The following ITGAV variants were observed in gnomAD, a reference collection of about 807,000 sequenced individuals.
The protein encoded by ITGAV is integrin alpha-V.
ITGAV carries 76 observed loss-of-function variants against 143.8 expected under a neutral mutation model. That is an observed-to-expected ratio of 0.53 (90% CI 0.44 to 0.64). The LOEUF (loss-of-function observed/expected upper bound fraction) is 0.64, where lower values mean the gene tolerates loss of function less well. Among genes scored for constraint, ITGAV ranks in the 30% least tolerant of loss-of-function variants. The pLI, the probability that ITGAV is intolerant of heterozygous loss-of-function variation, is 0.00. For synonymous variants in ITGAV, 453 were observed against 446.7 expected (o/e 1.01, Z -0.18); for missense variants, 1,193 against 1,274.7 (o/e 0.94, Z 0.98).
At chr2:186,640,289 A>T (rs1193503770) in intron 10 of ITGAV, among the ~76,000 whole-genome samples, 2 of 152,226 alleles carry the variant, frequency 1.3e-5, no homozygotes. Flanking sequence ...TTATAAGCTC[A>T]TAATAAACCC....
intron 2 of ITGAV, among the ~76,000 whole-genome samples, chr2:186,613,819 C>T (rs909767186): frequency 2.0e-5 from 3 of 152,028 alleles, no homozygotes; most frequent in African/African-American, 2.4e-5. Context: ...TCATTAACCA[C>T]CAGTTTAGTC....
rs147622609 is a variant in ITGAV, at chr2:186,614,188, C to T, written c.317-8151C>T. Among the ~76,000 whole-genome samples, 35 of 152,082 alleles carry T rather than the reference C, an allele frequency of 2.3e-4. No individual in the cohort carries two copies. The East Asian group carries it at 6.2e-3, about 27-fold the overall frequency. On this transcript the variant is annotated intron_variant, in intron 2 of 29. Transcript: ENST00000261023. ...AAACATTTTATAAATAATGCATGTC[C>T]ATTGATGAAAATATGAGAAAACCAG...
chr2:186,601,889 C>A, intron 1 of ITGAV, 132 bp from the exon 2 acceptor site: 1 of 795,744 alleles, frequency 1.3e-6, no homozygotes. Context: ...AGATTATGCC[C>A]TCAGTGAATA....
At chr2:186,651,122 A>G (rs559597311) in intron 14 of ITGAV, among the ~76,000 whole-genome samples, 16 of 152,362 alleles carry the variant, frequency 1.1e-4, no homozygotes, top group African/African-American at 3.8e-4. Flanking sequence ...GACGTAGAAT[A>G]TCAGTTGGCA....
chr2:186,609,439 T>C (rs899122269), intron 2 of ITGAV, among the ~76,000 whole-genome samples: 8 of 152,128 alleles, frequency 5.3e-5, no homozygotes, highest in African/African-American at 1.9e-4. Context: ...ATGGACACTT[T>C]AGATGTGCTT....
chr2:186,673,391 G>C (rs1319754295), intron 26 of ITGAV, among the ~76,000 whole-genome samples: 3 of 152,122 alleles, frequency 2.0e-5, no homozygotes, highest in East Asian at 1.9e-4. Context: ...ATTTTGGTTA[G>C]AGTCCCTTGC....
chr2:186,614,684 G>A (rs559988244), intron 2 of ITGAV, among the ~76,000 whole-genome samples: 12 of 151,336 alleles, frequency 7.9e-5, no homozygotes, highest in Non-Finnish European at 1.0e-4. Flanking sequence ...TCTATTATCC[G>A]TTTTCATTCT....
At chr2:186,592,331 C>T (rs948674125) in intron 1 of ITGAV, among the ~76,000 whole-genome samples, 3 of 151,986 alleles carry the variant, frequency 2.0e-5, no homozygotes, top group African/African-American at 7.3e-5. Flanking sequence ...CCTCGCTCTG[C>T]GGGAGGCTGA....
chr2:186,636,917 A>G (rs544001144), intron 7 of ITGAV, 148 bp from the exon 8 acceptor site: 31 of 601,480 alleles, frequency 5.2e-5, no homozygotes, highest in Admixed American at 1.9e-4. Flanking sequence ...CATATGTCAT[A>G]TATATATGAA....
chr2:186,662,590 CTG>C (rs1219314031), intron 18 of ITGAV, among the ~76,000 whole-genome samples: 2 of 152,132 alleles, frequency 1.3e-5, no homozygotes, highest in East Asian at 3.8e-4. Context: ...ACATTTTCAA[CTG>C]TGAATTATAT....
intron 2 of ITGAV, among the ~76,000 whole-genome samples, chr2:186,607,394 T>C (rs1240168154): frequency 6.6e-6 from 1 of 152,182 alleles, no homozygotes; most frequent in Non-Finnish European, 1.5e-5. Flanking sequence ...ATGTGACTTT[T>C]TCTGGCCCAT....
chr2:186,652,175 G>A, intron 15 of ITGAV, 86 bp downstream of exon 15: 1 of 792,664 alleles, frequency 1.3e-6, no homozygotes, highest in Non-Finnish European at 2.1e-6. Context: ...TGGTAGGGCT[G>A]AAATATTGCT....
intron 25 of ITGAV, 28 bp from the exon 26 acceptor site, chr2:186,669,670 TACC>T (rs749298496): frequency 7.0e-7 from 1 of 1,426,424 alleles, no homozygotes. Flanking sequence ...CATTATCATT[TACC>T]ACCATTTTAT....
intron 2 of ITGAV, among the ~76,000 whole-genome samples, chr2:186,619,396 G>A (rs563517895): frequency 6.6e-6 from 1 of 152,054 alleles, no homozygotes; most frequent in African/African-American, 2.4e-5. Context: ...CTAGAGGCTG[G>A]GAAAGGTAGG....
chr2:186,654,755 A>T lies in ITGAV; in HGVS notation c.1564+47A>T, dbSNP rs775502958. The T allele has an allele frequency of 4.0e-6, 3 of 752,694 alleles. No homozygotes were observed. In the South Asian group the frequency reaches 5.0e-5, roughly 13 times the overall value. 46.6% of individuals were successfully genotyped at this position (752,694 alleles called of 1,614,324 possible). A position where few individuals can be genotyped will look rare whatever the true frequency, so the allele number is the denominator to read the frequency against. On this transcript the variant is annotated intron_variant, in intron 16 of 29. Coordinates refer to ENST00000261023, the MANE Select transcript of ITGAV (RefSeq NM_002210.5). The stretch of plus-strand genomic sequence containing the variant: ...ATATTATTTTAATGATACTGCATAC[A>T]CAGCACTTAAAAAATATTTTAAGAT...
chr2:186,633,439 A>G (rs1368621768), intron 6 of ITGAV, 65 bp downstream of exon 6: 8 of 868,048 alleles, frequency 9.2e-6, no homozygotes, highest in Non-Finnish European at 1.5e-5. Context: ...GGCTAATTGT[A>G]TGCCTATGAC....
intron 10 of ITGAV, among the ~76,000 whole-genome samples, chr2:186,639,127 G>C (rs1688033798): frequency 6.6e-6 from 1 of 151,962 alleles, no homozygotes. Flanking sequence ...ATATTTCTCA[G>C]CTAAAAAAAT....
At chr2:186,661,249 T>G (rs1275405405) in intron 18 of ITGAV, among the ~76,000 whole-genome samples, 1 of 152,234 alleles carries the variant, frequency 6.6e-6, no homozygotes, top group African/African-American at 2.4e-5. Flanking sequence ...TTTTTGTATT[T>G]AGAATCCATG....
chr2:186,617,649 T>C (rs1687402417), intron 2 of ITGAV, among the ~76,000 whole-genome samples: 1 of 152,224 alleles, frequency 6.6e-6, no homozygotes, highest in Non-Finnish European at 1.5e-5. Context: ...GAGCAATTTC[T>C]TCTCAACTTT....
Sources: gnomAD v4.1 joint callset for allele counts (sites outside exome capture counted in the v4.1 genomes callset) on GRCh38, gnomAD v4.1.1 for gene constraint, MANE v1.5 for transcripts, NCBI Gene and HGNC (gene_info 2026-07-23, HGNC 2026-07-21) for gene names.